The following SCFD1 variants were observed in gnomAD, a reference collection of about 807,000 sequenced individuals.
SCFD1 encodes the protein sec1 family domain-containing protein 1.
Under a neutral mutation model 103.2 loss-of-function variants are expected in SCFD1, and 37 were observed. The ratio of observed to expected loss-of-function variants is 0.36; its 90% CI spans 0.28 to 0.47. The LOEUF (loss-of-function observed/expected upper bound fraction) is 0.47, where lower values mean the gene tolerates loss of function less well. Ranked by LOEUF, SCFD1 falls within the 20% of genes least tolerant of loss-of-function variation. The pLI is 1.00. For synonymous variants in SCFD1, 264 were observed against 245.0 expected (o/e 1.08, Z -0.73); for missense variants, 639 against 761.2 (o/e 0.84, Z 1.89).
intron 19 of SCFD1, among the ~76,000 whole-genome samples, chr14:30,714,278 C>T (rs2139386788): frequency 6.6e-6 from 1 of 151,320 alleles, no homozygotes; most frequent in South Asian, 2.1e-4. Context: ...GGCGTGAACC[C>T]GGGAAGCGGA....
At chr14:30,713,846 TA>T (rs1566655210) in intron 19 of SCFD1, among the ~76,000 whole-genome samples, 3 of 152,206 alleles carry the variant, frequency 2.0e-5, no homozygotes, top group Admixed American at 6.5e-5. Context: ...ATTTTTTAAT[TA>T]TTTATTCTTG....
At chr14:30,627,745 G>GAA (rs11312585) in intron 1 of SCFD1, among the ~76,000 whole-genome samples, 16 of 79,466 alleles carry the variant, frequency 2.0e-4, no homozygotes, top group South Asian at 4.2e-4. Flanking sequence ...CTCTGTCTCA[G>GAA]AAAAAAAAAA....
rs535237607 is a variant in SCFD1, at chr14:30,660,464, G to A, written c.855+6876G>A. Among the ~76,000 whole-genome samples the A allele has an allele frequency of 6.6e-5, 10 of 152,256 alleles. No homozygotes were observed. The South Asian group carries it at 1.9e-3, about 28-fold the overall frequency. On this transcript the variant is annotated intron_variant, in intron 10 of 24. Coordinates refer to ENST00000458591, the MANE Select transcript of SCFD1 (RefSeq NM_016106.4). The stretch of plus-strand genomic sequence containing the variant: ...TGATCAGTAGTTTCAGGTATTGTCA[G>A]CATGATCCATCCATTAAGGGTTCTC...
intron 9 of SCFD1, among the ~76,000 whole-genome samples, chr14:30,651,721 C>T (rs552104942): frequency 5.3e-5 from 8 of 152,144 alleles, no homozygotes; most frequent in South Asian, 2.1e-4. Flanking sequence ...ATAATATGGG[C>T]GTCTTGTTTC....
intron 19 of SCFD1, among the ~76,000 whole-genome samples, chr14:30,711,592 T>A: frequency 6.6e-6 from 1 of 152,202 alleles, no homozygotes; most frequent in East Asian, 1.9e-4. Context: ...TCATAACAAA[T>A]ACATACATCA....
intron 2 of SCFD1, among the ~76,000 whole-genome samples, chr14:30,629,268 T>A (rs1420328722): frequency 2.0e-5 from 3 of 152,194 alleles, no homozygotes; most frequent in Non-Finnish European, 2.9e-5. Context: ...GAACCTTTTA[T>A]AACTAGAGCA....
chr14:30,689,139 G>T (rs1268523714), intron 14 of SCFD1, among the ~76,000 whole-genome samples: 1 of 5,150 alleles, frequency 1.9e-4, no homozygotes, highest in Non-Finnish European at 2.9e-4. Context: ...TTGAATATTG[G>T]CCCCCACTCT....
chr14:30,703,866 G>C (rs997562766), intron 17 of SCFD1, among the ~76,000 whole-genome samples: 4 of 133,942 alleles, frequency 3.0e-5, no homozygotes, highest in African/African-American at 1.1e-4. Flanking sequence ...CTTGGAACCA[G>C]AAGTGTTTTG....
intron 3 of SCFD1, among the ~76,000 whole-genome samples, chr14:30,631,813 G>A (rs911211763): frequency 1.3e-5 from 2 of 151,916 alleles, no homozygotes; most frequent in East Asian, 1.9e-4. Flanking sequence ...CTGGAGGCCC[G>A]GGTGGGCGGA....
At position 30,653,559 on chromosome 14, in the gene SCFD1, A is replaced by C. The variant is rs375542623; in HGVS notation, c.826A>C (p.Thr276Pro). ...DLATPLHHTW[T>P]YQALVHDVLD... ...GGCAACTCCTTTACATCATACTTGG[A>C]CATATCAAGCATTGGTGCACGATGT... Residue 276 changes from threonine (T) to proline (P), a missense_variant, in exon 10 of 25, where the codon ACA becomes CCA. Thr to Pro is a conservative substitution (Grantham distance 38). Transcript: ENST00000458591. 6.2e-7 allele frequency: 1 copy of C among 1,613,308 alleles called. No individual in the cohort carries two copies. Among genetic ancestry groups the C allele is most frequent in the Admixed American group, 1.7e-5 (1 of 60,014 alleles).
intron 9 of SCFD1, among the ~76,000 whole-genome samples, chr14:30,652,033 C>T (rs1036805835): frequency 2.0e-5 from 3 of 152,128 alleles, no homozygotes; most frequent in African/African-American, 7.2e-5. Context: ...AGAAACCCTG[C>T]GGTAGGCCAT....
At chr14:30,719,969 T>TG (rs71443382) in intron 21 of SCFD1, among the ~76,000 whole-genome samples, 8 of 45,204 alleles carry the variant, frequency 1.8e-4, no homozygotes, top group Admixed American at 5.5e-4. Context: ...GGCAGGGGGG[T>TG]GGGGGGCGGG....
intron 14 of SCFD1, among the ~76,000 whole-genome samples, chr14:30,693,997 T>C (rs973809048): frequency 6.6e-6 from 1 of 152,216 alleles, no homozygotes; most frequent in Non-Finnish European, 1.5e-5. Flanking sequence ...AGCAAAGTTT[T>C]ACTACGTTTC....
At chr14:30,732,986 T>G (rs1207758837) in intron 23 of SCFD1, among the ~76,000 whole-genome samples, 2 of 152,016 alleles carry the variant, frequency 1.3e-5, no homozygotes, top group African/African-American at 2.4e-5. Context: ...TACTGGTACA[T>G]TTTATAAAGT....
At chr14:30,694,895 T>C (rs1890587642) in intron 15 of SCFD1, 26 bp downstream of exon 15, 3 of 1,572,284 alleles carry the variant, frequency 1.9e-6, no homozygotes, top group Non-Finnish European at 2.6e-6. Context: ...TTGAGGTTAA[T>C]GTAAGTTTCA....
rs768275691 is a variant in SCFD1, at chr14:30,622,355, C to A, written c.17C>A (p.Ala6Glu). Residue 6 changes from alanine to glutamate, a missense_variant, in exon 1 of 25, where the codon GCA becomes GAA. Coordinates refer to ENST00000458591, the MANE Select transcript of SCFD1 (RefSeq NM_016106.4). MAAAA[A>E]ATAAAAASIR... ...GGAGCCAAGATGGCGGCGGCGGCGG[C>A]AGCGACAGCAGCAGCAGCAGCCAGT... The A allele has an allele frequency of 1.3e-6, 2 of 1,566,412 alleles. No individual in the cohort carries two copies. The highest frequency in any genetic ancestry group is 1.7e-6 in the Non-Finnish European group (2 of 1,156,046).
chr14:30,624,099 A>G (rs866518825), intron 1 of SCFD1, among the ~76,000 whole-genome samples: 2 of 152,112 alleles, frequency 1.3e-5, no homozygotes, highest in African/African-American at 2.4e-5. Flanking sequence ...TGCCTGAAAA[A>G]TCTTTATTGG....
At chr14:30,727,615 C>T (rs944075207) in intron 23 of SCFD1, among the ~76,000 whole-genome samples, 2 of 152,298 alleles carry the variant, frequency 1.3e-5, no homozygotes, top group African/African-American at 4.8e-5. Flanking sequence ...CAGGCTCTTA[C>T]GAGATACCAA....
At chr14:30,634,641 AG>A (rs1437644618) in intron 4 of SCFD1, among the ~76,000 whole-genome samples, 2 of 152,188 alleles carry the variant, frequency 1.3e-5, no homozygotes, top group Non-Finnish European at 2.9e-5. Flanking sequence ...TAACTTATAT[AG>A]GGTTTTCCTT....
Sources: allele counts gnomAD v4.1 joint callset (sites outside exome capture counted in the v4.1 genomes callset), GRCh38; gene constraint gnomAD v4.1.1; transcripts MANE v1.5; gene names NCBI Gene and HGNC (gene_info 2026-07-23, HGNC 2026-07-21).